Variants in RNF144A observed in about 807,000 individuals in gnomAD.
RNF144A encodes the protein E3 ubiquitin-protein ligase RNF144A.
A neutral mutation model predicts 38.7 loss-of-function variants in RNF144A; 11 were observed. The observed-to-expected ratio is 0.28, with a 90% CI of 0.18 to 0.47. RNF144A has a LOEUF of 0.47. Ranked by LOEUF, RNF144A falls within the 20% of genes least tolerant of loss-of-function variation. The pLI, the probability that RNF144A is intolerant of heterozygous loss-of-function variation, is 0.99. For missense variants in RNF144A, 316 were observed against 377.2 expected, an observed-to-expected ratio of 0.84 and a Z score of 1.34; for synonymous variants, 149 against 143.9, an observed-to-expected ratio of 1.04 and a Z score of -0.25.
intron 2 of RNF144A, among the ~76,000 whole-genome samples, chr2:6,990,453 T>A (rs1048828395): frequency 4.3e-5 from 5 of 115,806 alleles, no homozygotes; most frequent in African/African-American, 6.9e-5. Flanking sequence ...TATATATATA[T>A]AATATATAAT....
At chr2:6,921,448 C>T (rs1664534787) in intron 1 of RNF144A, among the ~76,000 whole-genome samples, 2 of 152,188 alleles carry the variant, frequency 1.3e-5, no homozygotes, top group Admixed American at 1.3e-4. Flanking sequence ...TTGCTTGCAT[C>T]GTGGATGCAG....
At chr2:7,055,938 T>C (rs1331396990) in intron 6 of RNF144A, among the ~76,000 whole-genome samples, 2 of 152,158 alleles carry the variant, frequency 1.3e-5, no homozygotes, top group Non-Finnish European at 2.9e-5. Context: ...TGGGCGAGCA[T>C]GCACACTCTG....
Position 6,996,969 on chromosome 2 carries a change from G to C in RNF144A, c.43G>C (p.Asp15His). 6.2e-7 allele frequency: 1 copy of C among 1,614,056 alleles called. No individual in the cohort carries two copies. Reference sequence around the variant, plus strand: ...CCGGCCCACCTGGGACCTGGCCCTCGACCCGCTGGTGTCTTGCAAGCTCTG... The same window carrying C: ...CCGGCCCACCTGGGACCTGGCCCTCCACCCGCTGGTGTCTTGCAAGCTCTG... ...RYRPTWDLAL[D>H]PLVSCKLCLG... The change falls in exon 3 of 9, where the codon GAC (aspartate) becomes CAC (histidine). Residue 15 changes from aspartate to histidine, a missense_variant. Transcript: ENST00000320892.
intron 7 of RNF144A, 104 bp downstream of exon 7, chr2:7,024,620 C>CGT (rs1207062301): frequency 1.6e-6 from 2 of 1,284,388 alleles, no homozygotes; most frequent in African/African-American, 1.5e-5. Context: ...GGTGCCTACT[C>CGT]CTGTGTAACA....
At chr2:7,055,577 T>TA in intron 6 of RNF144A, among the ~76,000 whole-genome samples, 1 of 152,324 alleles carries the variant, frequency 6.6e-6, no homozygotes, top group Middle Eastern at 3.4e-3. Context: ...GTTTATATCT[T>TA]ACCATTTGCA....
chr2:6,977,308 C>G (rs1265389639), intron 2 of RNF144A, among the ~76,000 whole-genome samples: 1 of 152,212 alleles, frequency 6.6e-6, no homozygotes, highest in African/African-American at 2.4e-5. Flanking sequence ...GAAGCCAGGC[C>G]TCCTTGTTCC....
chr2:6,954,869 G>T (rs1666903130), intron 2 of RNF144A, among the ~76,000 whole-genome samples: 1 of 152,170 alleles, frequency 6.6e-6, no homozygotes. Context: ...TGATATTCTA[G>T]ATTATTTTCA....
intron 2 of RNF144A, among the ~76,000 whole-genome samples, chr2:6,965,506 G>C (rs1446039980): frequency 1.3e-5 from 2 of 152,186 alleles, no homozygotes; most frequent in Non-Finnish European, 2.9e-5. Context: ...GTGCCTTCTA[G>C]AGGGAGAAGC....
At chr2:7,013,087 A>G (rs1228704657) in intron 3 of RNF144A, among the ~76,000 whole-genome samples, 1 of 152,250 alleles carries the variant, frequency 6.6e-6, no homozygotes, top group Admixed American at 6.5e-5. Flanking sequence ...GGAGTCTTCA[A>G]TGAATGAAAT....
In RNF144A at chr2:6,997,074, G is replaced by A; in HGVS notation, c.135+13G>A. ...CTTCTGTACTCTGGTTGGTCTTTTT[G>A]GATAAAATATATGTTACAGTGATTT... On this transcript the variant is annotated intron_variant, in intron 3 of 8. Transcript: ENST00000320892. 1 of 1,613,524 alleles carries A rather than the reference G, an allele frequency of 6.2e-7. No homozygotes were observed. Among genetic ancestry groups the A allele is most frequent in the Non-Finnish European group, 8.5e-7 (1 of 1,179,502 alleles).
At chr2:7,050,579 G>C (rs1257557041) in intron 6 of RNF144A, among the ~76,000 whole-genome samples, 8 of 151,110 alleles carry the variant, frequency 5.3e-5, no homozygotes, top group African/African-American at 1.7e-4. Context: ...TCTGTTCCTG[G>C]GGCATTCTCT....
chr2:7,048,650 C>G (rs1023651977), downstream of RNF144A, among the ~76,000 whole-genome samples: 1 of 152,136 alleles, frequency 6.6e-6, no homozygotes, highest in Non-Finnish European at 1.5e-5. Context: ...TAGGGGGTGG[C>G]CACAGCATGG....
chr2:6,963,050 T>C (rs1383953696), intron 2 of RNF144A, among the ~76,000 whole-genome samples: 1 of 152,202 alleles, frequency 6.6e-6, no homozygotes, highest in East Asian at 1.9e-4. Flanking sequence ...TAAGTGGTGA[T>C]TTGATGCATG....
At chr2:7,060,102 T>A (rs914384704) in intron 6 of RNF144A, among the ~76,000 whole-genome samples, 4 of 152,146 alleles carry the variant, frequency 2.6e-5, no homozygotes, top group African/African-American at 9.7e-5. Flanking sequence ...ATGAATCTTC[T>A]AGAGTGAATC....
Position 7,042,890 on chromosome 2 carries a change from G to A in RNF144A, c.*3130G>A, listed in dbSNP as rs1014915916. The A allele has an allele frequency of 4.6e-5, 45 of 978,726 alleles. No homozygotes were observed. The highest frequency in any genetic ancestry group is 8.8e-5 in the African/African-American group (5 of 56,980). 60.6% of individuals were successfully genotyped at this position (978,726 alleles called of 1,614,324 possible). ...CTTTCTTTTTTTTTCTTTTTGAGAC[G>A]GAGTTTCGCTTTTGTCCCCCAAGCT... On this transcript the variant is annotated 3_prime_UTR_variant, in exon 9 of 9. Transcript: ENST00000320892.
intron 6 of RNF144A, among the ~76,000 whole-genome samples, chr2:7,052,339 C>G (rs1673563806): frequency 6.6e-6 from 1 of 152,212 alleles, no homozygotes; most frequent in South Asian, 2.1e-4. Flanking sequence ...CTAGTCCTCA[C>G]AAAAGTGCTA....
At chr2:7,045,523 C>T (rs981304326), downstream of RNF144A, among the ~76,000 whole-genome samples, 19 of 152,172 alleles carry the variant, frequency 1.2e-4, no homozygotes, top group African/African-American at 3.9e-4. Flanking sequence ...GTTCCCACGG[C>T]GTTCTCCCTG....
exon 7 of RNF144A, chr2:7,068,239 C>T: frequency 7.7e-7 from 1 of 1,302,166 alleles, no homozygotes. Context: ...TAGAGAAATG[C>T]ATTCTCCATA....
At chr2:6,995,213 T>G (rs548932958) in intron 2 of RNF144A, among the ~76,000 whole-genome samples, 10 of 152,196 alleles carry the variant, frequency 6.6e-5, no homozygotes, top group Admixed American at 1.3e-4. Context: ...ATGTAATTTT[T>G]TTTTTTTTTA....
Sources: gnomAD v4.1 joint callset for allele counts (sites outside exome capture counted in the v4.1 genomes callset) on GRCh38, gnomAD v4.1.1 for gene constraint, MANE v1.5 for transcripts, NCBI Gene and HGNC (gene_info 2026-07-23, HGNC 2026-07-21) for gene names.